The following SART3 variants were observed in gnomAD, a reference collection of about 807,000 sequenced individuals.
The protein encoded by SART3 is HIV-1 Tat-interacting protein of 110kDa.
In SART3, 44 loss-of-function variants were observed where a neutral mutation model predicts 122.3. That is an observed-to-expected ratio of 0.36 (90% confidence interval 0.28 to 0.46). The LOEUF is 0.46. Among genes scored for constraint, SART3 ranks in the 20% least tolerant of loss-of-function variants. The pLI, the probability that SART3 is intolerant of heterozygous loss-of-function variation, is 1.00. For synonymous variants in SART3, 442 were observed against 454.0 expected (o/e 0.97, Z 0.34); for missense variants, 1,101 against 1,229.0 (o/e 0.90, Z 1.56).
At chr12:108,555,008 T>C (rs1410609611) in intron 1 of SART3, among the ~76,000 whole-genome samples, 2 of 152,204 alleles carry the variant, frequency 1.3e-5, no homozygotes, top group African/African-American at 4.8e-5. Flanking sequence ...ATGAAGTATC[T>C]AGTCAAATTC....
intron 12 of SART3, among the ~76,000 whole-genome samples, chr12:108,534,010 G>A (rs1872793413): frequency 6.6e-6 from 1 of 152,122 alleles, no homozygotes; most frequent in Non-Finnish European, 1.5e-5. Context: ...ACAACAGACA[G>A]AATCAGTAAC....
At chr12:108,548,977 T>C in intron 2 of SART3, 111 bp downstream of exon 2, 4 of 1,533,424 alleles carry the variant, frequency 2.6e-6, no homozygotes, top group Non-Finnish European at 3.6e-6. Flanking sequence ...TTCTTTCCAC[T>C]ACACTGAACG....
chr12:108,525,889 T>C, intron 16 of SART3: 3 of 622,162 alleles, frequency 4.8e-6, no homozygotes, highest in Non-Finnish European at 2.8e-6. Flanking sequence ...GCACAGTCCC[T>C]TGTCATTGCT....
intron 3 of SART3, among the ~76,000 whole-genome samples, chr12:108,545,803 T>TA (rs748852305): frequency 3.9e-5 from 6 of 152,040 alleles, no homozygotes; most frequent in Non-Finnish European, 7.4e-5. Flanking sequence ...CCGTCTCTAC[T>TA]AAAAATAGAA....
chr12:108,524,062 C>T (rs1442948680), intron 18 of SART3: 9 of 581,560 alleles, frequency 1.5e-5, no homozygotes, highest in African/African-American at 1.9e-5. Flanking sequence ...TTAAAATAAT[C>T]ACTGCCTTAT....
intron 12 of SART3, among the ~76,000 whole-genome samples, chr12:108,535,009 G>C (rs557307805): frequency 6.6e-6 from 1 of 152,116 alleles, no homozygotes; most frequent in Non-Finnish European, 1.5e-5. Flanking sequence ...TTATGACTGG[G>C]TCAGTAATTT....
At chr12:108,548,573 G>A (rs916995668) in intron 2 of SART3, among the ~76,000 whole-genome samples, 1 of 152,208 alleles carries the variant, frequency 6.6e-6, no homozygotes, top group Non-Finnish European at 1.5e-5. Flanking sequence ...TAGGACCAAA[G>A]TGTTCTAAGT....
At chr12:108,557,372 A>C (rs2030275278) in intron 1 of SART3, among the ~76,000 whole-genome samples, 1 of 152,016 alleles carries the variant, frequency 6.6e-6, no homozygotes, top group Admixed American at 6.6e-5. Flanking sequence ...GATGCTTTAA[A>C]GGAAACTTAA....
At chr12:108,535,283 G>T in intron 12 of SART3, 76 bp downstream of exon 12, 1 of 1,147,420 alleles carries the variant, frequency 8.7e-7, no homozygotes. Flanking sequence ...GTCCAAGCTG[G>T]TAGGAGTCAG....
intron 12 of SART3, among the ~76,000 whole-genome samples, chr12:108,534,609 G>A (rs1336492924): frequency 1.3e-5 from 2 of 152,084 alleles, no homozygotes; most frequent in South Asian, 4.2e-4. Flanking sequence ...GAACCCAGGA[G>A]GCAAGGTTGC....
chr12:108,544,560 C>T, intron 4 of SART3, 82 bp from the exon 5 acceptor site: 6 of 1,590,510 alleles, frequency 3.8e-6, no homozygotes, highest in Non-Finnish European at 5.2e-6. Context: ...TAGTAAATGA[C>T]AAACTGTGGT....
At chr12:108,538,042 T>G (rs981639822) in intron 8 of SART3, 23 bp downstream of exon 8, 1 of 1,614,054 alleles carries the variant, frequency 6.2e-7, no homozygotes, top group Non-Finnish European at 8.5e-7. Flanking sequence ...AGCTTAGAAG[T>G]TCTCCCACAA....
chr12:108,524,201 C>T lies in SART3; in HGVS notation c.2714+115G>A, dbSNP rs1872259918. On this transcript the variant is annotated intron_variant, in intron 18 of 18. Transcript: ENST00000546815. ...GTGATTACCACAAGGAACAGCACATCTTGGCTTTTCTGTCCTAACAGGAAG... is the reference window on the plus strand; with the variant it reads ...GTGATTACCACAAGGAACAGCACATTTTGGCTTTTCTGTCCTAACAGGAAG... 1.8e-5 allele frequency: 17 copies of T among 926,054 alleles called. No individual in the cohort carries two copies. In the South Asian group the frequency reaches 2.2e-4, roughly 12 times the overall value. The allele number at this position is 926,054 out of a possible 1,614,324, so 57.4% of individuals were successfully genotyped here.
intron 12 of SART3, among the ~76,000 whole-genome samples, chr12:108,534,941 T>C (rs1022607986): frequency 1.3e-5 from 2 of 152,246 alleles, no homozygotes; most frequent in African/African-American, 4.8e-5. Flanking sequence ...CATGCTATAA[T>C]TGCATTTTCA....
intron 9 of SART3, 97 bp from the exon 10 acceptor site, chr12:108,536,882 T>A: frequency 9.5e-7 from 1 of 1,054,938 alleles, no homozygotes; most frequent in Non-Finnish European, 1.4e-6. Context: ...ACCCACTATG[T>A]ACCTGGCATC....
At chr12:108,525,331 ATTAAC>A in intron 17 of SART3, 121 bp downstream of exon 17, 2 of 971,504 alleles carry the variant, frequency 2.1e-6, no homozygotes, top group Non-Finnish European at 3.2e-6. Flanking sequence ...TTTCTGTGAA[ATTAAC>A]TTTTGTTTCT....
At chr12:108,527,097 T>G (rs1319668671) in intron 15 of SART3, among the ~76,000 whole-genome samples, 1 of 152,216 alleles carries the variant, frequency 6.6e-6, no homozygotes, top group African/African-American at 2.4e-5. Flanking sequence ...GGGCCAGTAC[T>G]GAAGCTCAAC....
At chr12:108,550,266 C>A (rs940363209) in intron 1 of SART3, among the ~76,000 whole-genome samples, 4 of 151,914 alleles carry the variant, frequency 2.6e-5, no homozygotes, top group Non-Finnish European at 4.4e-5. Context: ...AAGAAGGAAT[C>A]CTAAAGCATC....
In SART3 at chr12:108,554,379, A is replaced by C. The variant is rs563528471; in HGVS notation, c.313-5165T>G. Among the ~76,000 whole-genome samples the C allele has an allele frequency of 2.0e-5, 3 of 152,308 alleles. No individual in the cohort carries two copies. In the East Asian group the frequency reaches 5.8e-4, roughly 29 times the overall value. ...CCTAAATAAAATATTAAAAAATCAG[A>C]AATGTATAAAGAGAACAATACATAA... On this transcript the variant is annotated intron_variant, in intron 1 of 18. Coordinates refer to ENST00000546815, the MANE Select transcript of SART3 (RefSeq NM_014706.4).
Sources: allele counts gnomAD v4.1 joint callset (sites outside exome capture counted in the v4.1 genomes callset), GRCh38; gene constraint gnomAD v4.1.1; transcripts MANE v1.5; gene names NCBI Gene and HGNC (gene_info 2026-07-23, HGNC 2026-07-21).